The following SVIL variants were observed in gnomAD, a reference collection of about 807,000 sequenced individuals.
The protein encoded by SVIL is archvillin.
In SVIL, 101 loss-of-function variants were observed where a neutral mutation model predicts 240.4. The observed-to-expected ratio is 0.42, with a 90% CI of 0.36 to 0.50. The LOEUF (loss-of-function observed/expected upper bound fraction) is 0.50. Among genes scored for constraint, SVIL ranks in the 20% least tolerant of loss-of-function variants. SVIL has a pLI of 0.01. For missense variants in SVIL, 2,512 were observed against 2,818.7 expected, an observed-to-expected ratio of 0.89 and a Z score of 2.46; for synonymous variants, 999 against 1,100.0, an observed-to-expected ratio of 0.91 and a Z score of 1.82.
chr10:29,527,876 C>T (rs113274672), intron 12 of SVIL, among the ~76,000 whole-genome samples: 49 of 151,902 alleles, frequency 3.2e-4, no homozygotes, highest in African/African-American at 1.1e-3. Flanking sequence ...CAGGCGTGCG[C>T]CACCATGCCT....
At chr10:29,643,956 AC>A in intron 3 of SVIL, 1 of 517,392 alleles carries the variant, frequency 1.9e-6, no homozygotes, top group South Asian at 1.4e-5. Flanking sequence ...GGCTCCAGAG[AC>A]CCAGCCTCTC....
chr10:29,651,618 T>TTCTCCCTCTC (rs1958838568), intron 3 of SVIL, among the ~76,000 whole-genome samples: 1 of 135,328 alleles, frequency 7.4e-6, no homozygotes, highest in Admixed American at 7.6e-5. Context: ...GCCACATGCA[T>TTCTCCCTCTC]TCTCTCTCTC....
intron 1 of SVIL, among the ~76,000 whole-genome samples, chr10:29,732,283 C>T (rs1428823763): frequency 6.6e-6 from 1 of 151,988 alleles, no homozygotes; most frequent in East Asian, 1.9e-4. Flanking sequence ...TATAACGTTT[C>T]TTTATGTTGC....
chr10:29,617,131 C>T (rs926036972), intron 1 of SVIL, among the ~76,000 whole-genome samples: 5 of 152,142 alleles, frequency 3.3e-5, no homozygotes, highest in East Asian at 1.9e-4. Context: ...CAGTTGCTTC[C>T]GCACAATTGT....
chr10:29,673,074 C>G (rs539090812), intron 2 of SVIL, among the ~76,000 whole-genome samples: 1 of 152,204 alleles, frequency 6.6e-6, no homozygotes, highest in South Asian at 2.1e-4. Flanking sequence ...CCGCCACACC[C>G]AGCTAATTTT....
chr10:29,717,191 C>T (rs1243494686), intron 1 of SVIL, among the ~76,000 whole-genome samples: 1 of 131,802 alleles, frequency 7.6e-6, no homozygotes, highest in African/African-American at 2.9e-5. Flanking sequence ...CGAGATCACG[C>T]CACTGCACTC....
Position 29,458,452 on chromosome 10 carries a change from GAGAT to G in SVIL, c.6536_6539del (p.Tyr2179SerfsTer10). 1 of 1,581,702 alleles carries G rather than the reference GAGAT, an allele frequency of 6.3e-7. No individual in the cohort carries two copies. The highest frequency in any genetic ancestry group is 1.3e-5 in the African/African-American group (1 of 74,218). On this transcript the variant is annotated frameshift_variant, in exon 37 of 38. Transcript: ENST00000355867. LOFTEE classifies it high-confidence loss of function. ...CGCTTACCTCGAAGTCTTCGTCGGT[GAGAT>G]AGATCTCAAGCTTCAGAGGATCGAC...
In SVIL at chr10:29,465,715, T is replaced by C. The variant is rs7921306; in HGVS notation, c.6013A>G (p.Ile2005Val). Residue 2005 changes from isoleucine (I) to valine (V), a missense_variant, in exon 34 of 38, where the codon ATC becomes GTC. By Grantham distance (29) the Ile-to-Val change is conservative (BLOSUM62 3). Coordinates refer to ENST00000355867, the MANE Select transcript of SVIL (RefSeq NM_021738.3). ...GSFNFAPRLFILSSSSGDFAA... is the reference protein window; with the variant it reads ...GSFNFAPRLFVLSSSSGDFAA... ...AAATCCCCAGAGGAGCTGCTGAGGA[T>C]GAACAGGCGGGGCGCGAAGTTAAAA... 246,546 of 1,611,476 alleles carry C rather than the reference T, an allele frequency of 0.15. 20,303 individuals are homozygous for C. The highest frequency in any genetic ancestry group is 0.31 in the East Asian group (13,959 of 44,752).
intron 2 of SVIL, among the ~76,000 whole-genome samples, chr10:29,683,485 T>C (rs1277945768): frequency 6.6e-6 from 1 of 152,208 alleles, no homozygotes; most frequent in Non-Finnish European, 1.5e-5. Context: ...ATGAGGCATG[T>C]CTGATTCGCC....
upstream of SVIL, among the ~76,000 whole-genome samples, chr10:29,639,972 A>G (rs941971899): frequency 6.6e-6 from 1 of 152,172 alleles, no homozygotes; most frequent in Non-Finnish European, 1.5e-5. Flanking sequence ...CAGGTCATGC[A>G]CAGAAGAGAT....
At chr10:29,473,490 A>T in intron 30 of SVIL, 1 of 278,500 alleles carries the variant, frequency 3.6e-6, no homozygotes. Flanking sequence ...AAAAATCACT[A>T]CCACTGTGAG....
intron 1 of SVIL, among the ~76,000 whole-genome samples, chr10:29,602,531 C>G (rs2479690): frequency 0.21 from 32,062 of 152,098 alleles, 3,409 homozygotes; most frequent in Middle Eastern, 0.26. Flanking sequence ...TGTTTTTATT[C>G]ATGATTATAA....
chr10:29,652,784 T>C (rs1958879144), intron 3 of SVIL, among the ~76,000 whole-genome samples: 1 of 152,230 alleles, frequency 6.6e-6, no homozygotes, highest in Non-Finnish European at 1.5e-5. Context: ...ATTTCCCTAA[T>C]GGCTAATGAT....
chr10:29,539,292 A>G (rs765379769), intron 6 of SVIL, among the ~76,000 whole-genome samples: 9 of 152,246 alleles, frequency 5.9e-5, no homozygotes, highest in Non-Finnish European at 1.2e-4. Context: ...CAACACAGCA[A>G]TGAAAGTTTA....
intron 34 of SVIL, among the ~76,000 whole-genome samples, chr10:29,464,268 CT>C (rs1944625221): frequency 6.6e-6 from 1 of 151,856 alleles, no homozygotes; most frequent in Non-Finnish European, 1.5e-5. Context: ...GAGACCCTAT[CT>C]CTACAAAAAG....
At chr10:29,723,616 G>A (rs551108111) in intron 1 of SVIL, among the ~76,000 whole-genome samples, 2 of 152,082 alleles carry the variant, frequency 1.3e-5, no homozygotes, top group African/African-American at 4.8e-5. Flanking sequence ...AATATCTTGA[G>A]AGAGGAAACT....
intron 13 of SVIL, 75 bp downstream of exon 13, chr10:29,526,886 T>C: frequency 8.2e-7 from 1 of 1,212,928 alleles, no homozygotes. Flanking sequence ...ACGACAGACA[T>C]TCAAGACTTT....
chr10:29,499,231 C>A lies in SVIL; in HGVS notation c.3549G>T (p.Thr1183=). The A allele has an allele frequency of 1.2e-6, 2 of 1,614,228 alleles. No individual in the cohort carries two copies. The highest frequency in any genetic ancestry group is 4.5e-5 in the East Asian group (2 of 44,882). ...RVTESRESQM[T]IEERKQLITV... is the part of the protein sequence containing the mutation. ...TGATGAGCTGCTTCCTCTCCTCAAT[C>A]GTCATTTGGCTCTCTCGACTTTCTG... is the stretch of plus-strand genomic sequence containing the variant. The change falls in exon 18 of 38, where the codon ACG becomes ACT. Residue 1183 remains threonine (T), a synonymous_variant. Transcript: ENST00000355867.
intron 1 of SVIL, among the ~76,000 whole-genome samples, chr10:29,588,002 T>C (rs1956239284): frequency 6.6e-6 from 1 of 152,176 alleles, no homozygotes; most frequent in Non-Finnish European, 1.5e-5. Context: ...GTACTACGCA[T>C]ACAAGGAAAA....
Sources: allele counts gnomAD v4.1 joint callset (sites outside exome capture counted in the v4.1 genomes callset), GRCh38; gene constraint gnomAD v4.1.1; transcripts MANE v1.5; gene names NCBI Gene and HGNC (gene_info 2026-07-23, HGNC 2026-07-21).